The following DDAH1 variants were observed in gnomAD, a reference collection of about 807,000 sequenced individuals.
DDAH1 encodes the protein dimethylarginine dimethylaminohydrolase 1, also known as N(G),N(G)-dimethylarginine dimethylaminohydrolase 1.
In DDAH1, 19 loss-of-function variants were observed where a neutral mutation model predicts 28.8. That is an observed-to-expected ratio of 0.66 (90% CI 0.46 to 0.97). DDAH1 has a LOEUF of 0.97. DDAH1 is among the 50% of genes least tolerant of loss of function. The pLI is 0.00. For missense variants in DDAH1, 326 were observed against 375.9 expected (o/e 0.87, Z 1.10); for synonymous variants, 153 against 154.4 (o/e 0.99, Z 0.07).
chr1:85,456,262 G>A (rs1272500286), intron 1 of DDAH1, among the ~76,000 whole-genome samples: 5 of 152,220 alleles, frequency 3.3e-5, no homozygotes, highest in Non-Finnish European at 5.9e-5. Flanking sequence ...CTGCACTTGA[G>A]ATTCAATGGT....
chr1:85,473,040 G>A lies in DDAH1; in HGVS notation c.-7+23126C>T, dbSNP rs180779194. ...GACCTCCAGCTGCATCCATGTTGTT[G>A]CAAAGGAAATGATTGCATTATTTTT... On this transcript the variant is annotated intron_variant, in intron 2 of 6. Transcript: ENST00000426972. 2.4e-3 allele frequency among the ~76,000 whole-genome samples: 367 copies of A among 152,318 alleles called. 5 individuals carry two copies. The highest frequency in any genetic ancestry group is 8.3e-3 in the African/African-American group (347 of 41,576).
At chr1:85,507,429 G>A (rs1337510479) in intron 1 of DDAH1, among the ~76,000 whole-genome samples, 1 of 152,028 alleles carries the variant, frequency 6.6e-6, no homozygotes, top group Non-Finnish European at 1.5e-5. Flanking sequence ...CTTGAGCCCA[G>A]GAGGTTGAGG....
At chr1:85,325,062 G>C (rs531857360) in intron 4 of DDAH1, among the ~76,000 whole-genome samples, 179 bp from the exon 5 acceptor site, 1 of 152,290 alleles carries the variant, frequency 6.6e-6, no homozygotes, top group South Asian at 2.1e-4. Flanking sequence ...ATTAAGCTAT[G>C]AGTCTTTGGA....
chr1:85,570,611 A>G (rs919031690), intron 1 of DDAH1, among the ~76,000 whole-genome samples: 1 of 152,206 alleles, frequency 6.6e-6, no homozygotes, highest in African/African-American at 2.4e-5. Context: ...CTGTCCCTGG[A>G]AAACAGAGAT....
chr1:85,500,451 C>T (rs187426762), intron 1 of DDAH1, among the ~76,000 whole-genome samples: 29 of 152,168 alleles, frequency 1.9e-4, no homozygotes, highest in Admixed American at 4.6e-4. Flanking sequence ...CTGGGTCTTG[C>T]GCAGAATGAG....
At chr1:85,481,826 G>C (rs1267856616) in intron 2 of DDAH1, among the ~76,000 whole-genome samples, 1 of 152,204 alleles carries the variant, frequency 6.6e-6, no homozygotes, top group Non-Finnish European at 1.5e-5. Flanking sequence ...CCTCCAGAAA[G>C]CTTATTGACT....
intron 1 of DDAH1, among the ~76,000 whole-genome samples, chr1:85,422,078 A>G (rs940488221): frequency 7.2e-6 from 1 of 138,950 alleles, no homozygotes; most frequent in Non-Finnish European, 1.6e-5. Flanking sequence ...AGCGATTGAT[A>G]TTGTCAGTTT....
At chr1:85,577,999 C>A in exon 1 of DDAH1, 1 of 985,472 alleles carries the variant, frequency 1.0e-6, no homozygotes, top group Non-Finnish European at 1.2e-6. Flanking sequence ...AACATTTGCA[C>A]ATTTCGCCTC....
chr1:85,508,898 T>A (rs1657125092), intron 1 of DDAH1, among the ~76,000 whole-genome samples: 1 of 152,210 alleles, frequency 6.6e-6, no homozygotes, highest in Admixed American at 6.5e-5. Context: ...ACGGCATAGC[T>A]GAACAAAAGG....
intron 1 of DDAH1, among the ~76,000 whole-genome samples, chr1:85,562,628 A>G (rs112497355): frequency 0.02 from 3,013 of 152,324 alleles, 95 homozygotes; most frequent in African/African-American, 0.07. Flanking sequence ...AAGAGAAGCC[A>G]TGGAAAGATG....
chr1:85,559,949 G>C (rs1659094186), intron 1 of DDAH1, among the ~76,000 whole-genome samples: 1 of 151,884 alleles, frequency 6.6e-6, no homozygotes, highest in African/African-American at 2.4e-5. Flanking sequence ...TTGATAAAAA[G>C]AATAAACCCA....
chr1:85,503,742 G>A (rs1209900063), intron 1 of DDAH1, among the ~76,000 whole-genome samples: 1 of 152,132 alleles, frequency 6.6e-6, no homozygotes, highest in East Asian at 1.9e-4. Context: ...GGTAAGTGAT[G>A]AGAAGAAAAT....
At chr1:85,336,891 A>T (rs1648165899) in intron 4 of DDAH1, among the ~76,000 whole-genome samples, 1 of 152,164 alleles carries the variant, frequency 6.6e-6, no homozygotes, top group East Asian at 1.9e-4. Context: ...CAAGGACACA[A>T]CAAAAAAAAC....
intron 1 of DDAH1, among the ~76,000 whole-genome samples, chr1:85,555,225 G>A (rs373671202): frequency 6.6e-6 from 1 of 152,222 alleles, no homozygotes; most frequent in African/African-American, 2.4e-5. Flanking sequence ...GGAGATAGTG[G>A]ATTCGACTTG....
At chr1:85,341,628 C>T (rs1407374732) in intron 4 of DDAH1, among the ~76,000 whole-genome samples, 1 of 152,160 alleles carries the variant, frequency 6.6e-6, no homozygotes, top group Non-Finnish European at 1.5e-5. Context: ...TCCTGGCTAA[C>T]ACGGTAAAAC....
At chr1:85,549,299 A>T (rs2100793085) in intron 1 of DDAH1, among the ~76,000 whole-genome samples, 1 of 152,288 alleles carries the variant, frequency 6.6e-6, no homozygotes, top group Non-Finnish European at 1.5e-5. Flanking sequence ...TTCTAGACTA[A>T]AGGTTCTCAA....
chr1:85,543,898 T>C (rs1350338819), intron 1 of DDAH1, among the ~76,000 whole-genome samples: 1 of 152,178 alleles, frequency 6.6e-6, no homozygotes, highest in African/African-American at 2.4e-5. Flanking sequence ...CAGTATTTCA[T>C]GGGTCTAGTG....
intron 1 of DDAH1, among the ~76,000 whole-genome samples, chr1:85,378,794 C>T (rs1460498833): frequency 1.3e-5 from 2 of 152,168 alleles, no homozygotes; most frequent in African/African-American, 2.4e-5. Flanking sequence ...ATCCAGACAG[C>T]TGTTTTGTGA....
intron 1 of DDAH1, among the ~76,000 whole-genome samples, chr1:85,568,578 C>T (rs1659371027): frequency 6.6e-6 from 1 of 152,106 alleles, no homozygotes; most frequent in African/African-American, 2.4e-5. Flanking sequence ...CACACGTTTA[C>T]CCAAAAGGCT....
Sources: allele counts gnomAD v4.1 joint callset (sites outside exome capture counted in the v4.1 genomes callset), GRCh38; gene constraint gnomAD v4.1.1; transcripts MANE v1.5; gene names NCBI Gene and HGNC (gene_info 2026-07-23, HGNC 2026-07-21).